Variants in TXN2 observed in about 807,000 individuals in gnomAD.
TXN2 encodes thioredoxin, mitochondrial.
A neutral mutation model predicts 14.6 loss-of-function variants in TXN2; 12 were observed. The ratio of observed to expected loss-of-function variants is 0.82; its 90% confidence interval spans 0.53 to 1.33. TXN2 has a LOEUF of 1.33. Ranked by LOEUF, TXN2 falls within the 40% of genes most tolerant of loss-of-function variation. TXN2 has a pLI of 0.00. For missense variants in TXN2, 173 were observed against 207.7 expected (o/e 0.83, Z 1.03); for synonymous variants, 89 against 81.0 (o/e 1.10, Z -0.53).
chr22:36,471,957 G>A (rs1303880865), intron 3 of TXN2, among the ~76,000 whole-genome samples: 6 of 143,938 alleles, frequency 4.2e-5, no homozygotes, highest in Non-Finnish European at 9.2e-5. Context: ...TGAAAAGAGT[G>A]AGACCCCCTC....
intron 3 of TXN2, among the ~76,000 whole-genome samples, chr22:36,473,082 G>GA (rs1216940425): frequency 6.6e-6 from 1 of 152,008 alleles, no homozygotes; most frequent in Non-Finnish European, 1.5e-5. Context: ...CGAGGTGGGC[G>GA]AATCACTTGA....
Position 36,467,591 on chromosome 22 carries a change from A to G in TXN2, c.*213T>C. 3 of 550,974 alleles carry G rather than the reference A, an allele frequency of 5.4e-6. No individual in the cohort carries two copies. The highest frequency in any genetic ancestry group is 9.9e-6 in the Non-Finnish European group (3 of 304,520). 34.1% of individuals were successfully genotyped at this position (550,974 alleles called of 1,614,324 possible). On this transcript the variant is annotated 3_prime_UTR_variant, in exon 4 of 4. Coordinates refer to ENST00000216185, the MANE Select transcript of TXN2 (RefSeq NM_012473.4). The stretch of plus-strand genomic sequence containing the variant: ...AGGGATGAAAGGCGTATGGGAGGGA[A>G]GACAGCGGTCCCCGGATCAGCAGCA...
intron 3 of TXN2, among the ~76,000 whole-genome samples, chr22:36,472,345 G>T (rs1357804855): frequency 5.3e-5 from 8 of 152,154 alleles, no homozygotes; most frequent in Non-Finnish European, 1.0e-4. Flanking sequence ...GACTCTGGAT[G>T]ATGCTAGAAT....
In TXN2 at chr22:36,481,584, G is replaced by A. The variant is rs566223025; in HGVS notation, c.-21C>T. 2 of 1,000,348 alleles carry A rather than the reference G, an allele frequency of 2.0e-6. No individual in the cohort carries two copies. The highest frequency in any genetic ancestry group is 2.4e-6 in the Non-Finnish European group (2 of 830,036). 62.0% of individuals were successfully genotyped at this position (1,000,348 alleles called of 1,614,324 possible). A position where few individuals can be genotyped will look rare whatever the true frequency, so the allele number is the denominator to read the frequency against. On this transcript the variant is annotated 5_prime_UTR_variant, in exon 1 of 4. Transcript: ENST00000216185. ...CCTACCTCCCTGCAATGCGAGCGGAGGGATGCACAGCCTAGCCCTCCCTGC... is the reference window on the plus strand; with the variant it reads ...CCTACCTCCCTGCAATGCGAGCGGAAGGATGCACAGCCTAGCCCTCCCTGC...
intron 3 of TXN2, among the ~76,000 whole-genome samples, chr22:36,469,952 T>C (rs1372567812): frequency 6.6e-5 from 10 of 152,112 alleles, no homozygotes; most frequent in Non-Finnish European, 1.3e-4. Context: ...CAAGACTCTG[T>C]TCCCCCCCTC....
chr22:36,478,132 CAAAAAA>C (rs778032940), intron 2 of TXN2, among the ~76,000 whole-genome samples: 29 of 67,690 alleles, frequency 4.3e-4, no homozygotes, highest in African/African-American at 1.3e-3. Context: ...GACTCTGTCT[CAAAAAA>C]AAAAAAAAAA....
At chr22:36,468,587 C>T (rs1933207220) in intron 3 of TXN2, 2 of 386,168 alleles carry the variant, frequency 5.2e-6, no homozygotes, top group South Asian at 1.9e-5. Flanking sequence ...ATTAGCCAGG[C>T]ATGGTGGTAC....
intron 1 of TXN2, 82 bp downstream of exon 1, chr22:36,481,482 C>T (rs1274737279): frequency 1.3e-6 from 1 of 764,630 alleles, no homozygotes; most frequent in Non-Finnish European, 1.6e-6. Context: ...CCCGCCCGCC[C>T]GGCCGCCAGC....
chr22:36,476,058 T>G (rs1349758491), intron 3 of TXN2, among the ~76,000 whole-genome samples: 1 of 152,164 alleles, frequency 6.6e-6, no homozygotes, highest in East Asian at 1.9e-4. Flanking sequence ...AGGAGAGATC[T>G]TGCTTGGAAA....
intron 3 of TXN2, among the ~76,000 whole-genome samples, chr22:36,476,465 G>A (rs113628234): frequency 7.4e-4 from 113 of 152,120 alleles, no homozygotes; most frequent in African/African-American, 2.3e-3. Flanking sequence ...GGTGGTGTGC[G>A]CCTGTAGTCC....
At chr22:36,472,859 C>T (rs1008989439) in intron 3 of TXN2, among the ~76,000 whole-genome samples, 4 of 151,738 alleles carry the variant, frequency 2.6e-5, no homozygotes, top group African/African-American at 4.9e-5. Context: ...AGCAGTTCCT[C>T]CCCACAGAAA....
At chr22:36,480,884 G>T in intron 1 of TXN2, 47 bp from the exon 2 acceptor site, 1 of 1,509,922 alleles carries the variant, frequency 6.6e-7, no homozygotes, top group South Asian at 1.3e-5. Flanking sequence ...AAAGGAAGTC[G>T]ACACACTAGA....
intron 3 of TXN2, chr22:36,468,784 G>T (rs770068231): frequency 5.6e-6 from 2 of 354,586 alleles, no homozygotes; most frequent in Non-Finnish European, 1.1e-5. Flanking sequence ...GCTCACACCT[G>T]TAATCCCAGC....
At chr22:36,471,121 T>TA (rs2145820937) in intron 3 of TXN2, among the ~76,000 whole-genome samples, 1 of 152,284 alleles carries the variant, frequency 6.6e-6, no homozygotes, top group East Asian at 1.9e-4. Flanking sequence ...CCGGTGCCTG[T>TA]AAACACTGCC....
chr22:36,474,199 C>T (rs1006893330), intron 3 of TXN2, among the ~76,000 whole-genome samples: 4 of 152,184 alleles, frequency 2.6e-5, no homozygotes, highest in African/African-American at 9.7e-5. Context: ...AAGTGACTCA[C>T]CCCTCCCCCA....
At chr22:36,471,935 A>C (rs1201998497) in intron 3 of TXN2, among the ~76,000 whole-genome samples, 4 of 146,604 alleles carry the variant, frequency 2.7e-5, no homozygotes, top group Non-Finnish European at 4.5e-5. Flanking sequence ...GCGCCACTTC[A>C]CTCCACCTGG....
At position 36,480,570 on chromosome 22, in the gene TXN2, C is replaced by A. The variant is rs375555431; in HGVS notation, c.263+5G>T. ...CCTAGTCTTCTGTGGACCCCCAATA[C>A]TCACTGTGCGTGGAAATCCACAACC... On this transcript the variant is annotated splice_donor_5th_base_variant and intron_variant, in intron 2 of 3. Transcript: ENST00000216185. 9.8e-5 allele frequency: 158 copies of A among 1,612,200 alleles called. No homozygotes were observed. Among genetic ancestry groups the A allele is most frequent in the Non-Finnish European group, 1.0e-4 (123 of 1,179,258 alleles).
At chr22:36,472,285 GGAA>G (rs1390723387) in intron 3 of TXN2, among the ~76,000 whole-genome samples, 9 of 152,094 alleles carry the variant, frequency 5.9e-5, no homozygotes, top group Non-Finnish European at 1.0e-4. Flanking sequence ...GGAGGGAGGA[GGAA>G]GGAGAGATGA....
chr22:36,471,878 G>A (rs1933284375), intron 3 of TXN2, among the ~76,000 whole-genome samples: 1 of 151,956 alleles, frequency 6.6e-6, no homozygotes. Flanking sequence ...GCTGAGGCAG[G>A]AGAAGTGCTT....
Sources: gnomAD v4.1 joint callset for allele counts (sites outside exome capture counted in the v4.1 genomes callset) on GRCh38, gnomAD v4.1.1 for gene constraint, MANE v1.5 for transcripts, NCBI Gene and HGNC (gene_info 2026-07-23, HGNC 2026-07-21) for gene names.